The following HNF1A variants were observed in gnomAD, a reference collection of about 807,000 sequenced individuals.
HNF1A encodes hepatocyte nuclear factor 1-alpha.
In HNF1A, 21 loss-of-function variants were observed where a neutral mutation model predicts 62.2. The ratio of observed to expected loss-of-function variants is 0.34; its 90% CI spans 0.24 to 0.49. HNF1A has a LOEUF of 0.49. HNF1A is among the 20% of genes least tolerant of loss of function. The probability of loss-of-function intolerance (pLI) is 0.99; values close to 1 mark genes in which losing one functional copy is unlikely to be tolerated. For missense variants in HNF1A, 687 were observed against 832.3 expected, an observed-to-expected ratio of 0.83 and a Z score of 2.15; for synonymous variants, 374 against 366.8, an observed-to-expected ratio of 1.02 and a Z score of -0.22.
Position 120,978,564 on chromosome 12 carries a change from G to C in HNF1A, c.-205G>C, listed in dbSNP as rs985167109. The C allele has an allele frequency of 1.1e-5, 7 of 639,952 alleles. No homozygotes were observed. The Admixed American group carries it at 1.7e-4, about 15-fold the overall frequency. The allele number at this position is 639,952 out of a possible 1,614,324, so 39.6% of individuals were successfully genotyped here. A position where few individuals can be genotyped will look rare whatever the true frequency, so the allele number is the denominator to read the frequency against. On this transcript the variant is annotated 5_prime_UTR_variant, in exon 1 of 10. Transcript: ENST00000257555. ...CCCCAGCTCCAATGTAAACAGAACA[G>C]GCAGGGGCCCTGATTCACGGGCCGC...
chr12:120,988,719 T>G, intron 1 of HNF1A, 114 bp from the exon 2 acceptor site: 1 of 931,940 alleles, frequency 1.1e-6, no homozygotes, highest in Non-Finnish European at 1.7e-6. Flanking sequence ...ATAACTGCTT[T>G]CATGCACAGT....
chr12:120,986,960 G>C (rs1250889096), intron 1 of HNF1A, among the ~76,000 whole-genome samples: 2 of 152,142 alleles, frequency 1.3e-5, no homozygotes, highest in Non-Finnish European at 2.9e-5. Context: ...GACAGAGCAG[G>C]AGAGGAGGAG....
intron 9 of HNF1A, among the ~76,000 whole-genome samples, chr12:121,000,057 T>C (rs1174563459): frequency 6.6e-6 from 1 of 152,030 alleles, no homozygotes; most frequent in Non-Finnish European, 1.5e-5. Flanking sequence ...TTTGGAAAAT[T>C]GGAAAAATTC....
Position 121,001,879 on chromosome 12 carries a change from G to A in HNF1A, c.*687G>A, listed in dbSNP as rs994614443. ...CATCCCCAGCGATTCCCTCTCCCAG[G>A]CCCCATGACCTCCAGCTTTCCTGTA... On this transcript the variant is annotated 3_prime_UTR_variant, in exon 10 of 10. Coordinates refer to ENST00000257555, the MANE Select transcript of HNF1A (RefSeq NM_000545.8). The A allele has an allele frequency of 5.8e-6, 3 of 516,276 alleles. No individual in the cohort carries two copies. Among genetic ancestry groups the A allele is most frequent in the Admixed American group, 4.7e-5 (2 of 42,756 alleles). 32.0% of individuals were successfully genotyped at this position (516,276 alleles called of 1,614,324 possible). A position where few individuals can be genotyped will look rare whatever the true frequency, so the allele number is the denominator to read the frequency against.
rs373554058 is a variant in HNF1A at position 121,001,784 on chromosome 12, G to A, written c.*592G>A. 3.7e-6 allele frequency: 2 copies of A among 536,174 alleles called. No individual in the cohort carries two copies. Among genetic ancestry groups the A allele is most frequent in the African/African-American group, 1.9e-5 (1 of 53,946 alleles). 33.2% of individuals were successfully genotyped at this position (536,174 alleles called of 1,614,324 possible). A position where few individuals can be genotyped will look rare whatever the true frequency, so the allele number is the denominator to read the frequency against. Reference sequence around the variant, plus strand: ...GGGTGGCTACTCTGTGCCAGAGCCTGGGGCTCTAACGCCTGAGCCCAGGGA... The same window carrying A: ...GGGTGGCTACTCTGTGCCAGAGCCTAGGGCTCTAACGCCTGAGCCCAGGGA... On this transcript the variant is annotated 3_prime_UTR_variant, in exon 10 of 10. Transcript: ENST00000257555.
chr12:120,999,655 C>T, intron 9 of HNF1A, 28 bp downstream of exon 9: 1 of 1,598,812 alleles, frequency 6.3e-7, no homozygotes, highest in Non-Finnish European at 8.5e-7. Flanking sequence ...CACCCCCTCC[C>T]TTACTGTCCC....
chr12:120,981,365 A>C (rs1256703847), intron 1 of HNF1A, among the ~76,000 whole-genome samples: 1 of 152,032 alleles, frequency 6.6e-6, no homozygotes, highest in Non-Finnish European at 1.5e-5. Flanking sequence ...CTTTCTTCAG[A>C]TCTCCCCCTT....
Position 121,001,327 on chromosome 12 carries a change from CTGCTCTGATGCATCAGAAAGGGAG to C in HNF1A, c.*136_*159del. On this transcript the variant is annotated 3_prime_UTR_variant, in exon 10 of 10. Coordinates refer to ENST00000257555, the MANE Select transcript of HNF1A (RefSeq NM_000545.8). ...GGACAGCTGTGCCTCGCTCCCCACT[CTGCTCTGATGCATCAGAAAGGGAG>C]GGCTCTGAGGCGCCCCAACCCGTGG... The C allele has an allele frequency of 9.1e-7, 1 of 1,098,234 alleles. No homozygotes were observed. The allele number at this position is 1,098,234 out of a possible 1,614,324, so 68.0% of individuals were successfully genotyped here.
chr12:120,992,622 T>TA (rs1357160404), intron 2 of HNF1A, among the ~76,000 whole-genome samples: 1 of 151,970 alleles, frequency 6.6e-6, no homozygotes, highest in East Asian at 1.9e-4. Flanking sequence ...CCAATACAGA[T>TA]AAAAAATAGA....
intron 4 of HNF1A, 143 bp downstream of exon 4, chr12:120,994,548 C>G: frequency 2.2e-6 from 2 of 925,766 alleles, no homozygotes; most frequent in South Asian, 1.7e-5. Context: ...CTCTACTTCA[C>G]TCTGTTCATT....
rs1294496946 is a variant in HNF1A, at chr12:120,994,197, A to T, written c.747A>T (p.Ser249=). The part of the protein sequence containing the change: ...AECIQRGVSP[S]QAQGLGSNLV... Reference sequence around the variant, plus strand: ...GCATCCAGAGAGGGGTGTCCCCATCACAGGCACAGGGGCTGGGCTCCAACC... The same window carrying T: ...GCATCCAGAGAGGGGTGTCCCCATCTCAGGCACAGGGGCTGGGCTCCAACC... Residue 249 remains serine, a synonymous_variant, in exon 4 of 10, where the codon TCA becomes TCT. Transcript: ENST00000257555. The T allele has an allele frequency of 6.2e-7, 1 of 1,613,614 alleles. No individual in the cohort carries two copies. The highest frequency in any genetic ancestry group is 8.5e-7 in the Non-Finnish European group (1 of 1,179,820).
At chr12:120,998,916 G>A (rs1335635161) in intron 7 of HNF1A, among the ~76,000 whole-genome samples, 1 of 152,200 alleles carries the variant, frequency 6.6e-6, no homozygotes, top group Admixed American at 6.5e-5. Context: ...ATTTAGTACA[G>A]TAGCACCTGC....
Position 120,994,336 on chromosome 12 carries a change from G to A in HNF1A, c.886G>A (p.Gly296Arg), listed in dbSNP as rs2135842395. ...CGGGCCCCCCCCAGGGCCAGGCCCG[G>A]GACCTGCGCTGCCCGCTCACAGCTC... is the stretch of plus-strand genomic sequence containing the variant. Reference protein sequence around the residue: ...YSGPPPGPGPGPALPAHSSPG... With the variant: ...YSGPPPGPGPRPALPAHSSPG... The change falls in exon 4 of 10, where the codon GGA becomes AGA. Residue 296 changes from glycine to arginine, a missense_variant. Around this residue, in one of 5 missense-constraint regions of HNF1A, gnomAD observed 408 missense variants for 455.3 expected, o/e 0.90. Coordinates refer to ENST00000257555, the MANE Select transcript of HNF1A (RefSeq NM_000545.8). 6.2e-7 allele frequency: 1 copy of A among 1,606,332 alleles called. No homozygotes were observed. Among genetic ancestry groups the A allele is most frequent in the Non-Finnish European group, 8.5e-7 (1 of 1,176,862 alleles).
chr12:120,999,368 C>T lies in HNF1A; in HGVS notation c.1602C>T (p.Ala534=), dbSNP rs368694878. 24 of 1,613,958 alleles carry T rather than the reference C, an allele frequency of 1.5e-5. No homozygotes were observed. In the African/African-American group the frequency reaches 2.9e-4, roughly 20 times the overall value. Residue 534 remains alanine (A), a synonymous_variant, in exon 8 of 10, where the codon GCC becomes GCT. Transcript: ENST00000257555. ...ITDTTNLSAL[A]SLTPTKQVFT... ...ACACCACCAACCTGAGCGCCCTGGCCAGCCTCACGCCCACCAAGCAGGTAA... is the reference window on the plus strand; with the variant it reads ...ACACCACCAACCTGAGCGCCCTGGCTAGCCTCACGCCCACCAAGCAGGTAA...
chr12:120,995,644 A>C (rs1201186294), intron 4 of HNF1A, among the ~76,000 whole-genome samples: 1 of 151,096 alleles, frequency 6.6e-6, no homozygotes, highest in Non-Finnish European at 1.5e-5. Context: ...CACTGTGTTC[A>C]CACAACTCCA....
intron 2 of HNF1A, among the ~76,000 whole-genome samples, chr12:120,990,639 A>G (rs1227732512): frequency 1.0e-5 from 1 of 99,766 alleles, no homozygotes; most frequent in Non-Finnish European, 2.1e-5. Context: ...GAAAGATAGG[A>G]AAGGGAGGAA....
intron 3 of HNF1A, 98 bp from the exon 4 acceptor site, chr12:120,994,066 C>G: frequency 1.3e-6 from 2 of 1,523,778 alleles, no homozygotes; most frequent in Non-Finnish European, 8.9e-7. Flanking sequence ...GCCTCAAACC[C>G]TCCGGCAGAG....
At chr12:120,992,484 T>C (rs946120564) in intron 2 of HNF1A, among the ~76,000 whole-genome samples, 4 of 152,194 alleles carry the variant, frequency 2.6e-5, no homozygotes, top group African/African-American at 4.8e-5. Context: ...CCTCAGCCTC[T>C]TAAGTAGCTG....
At position 121,001,237 on chromosome 12, in the gene HNF1A, T is replaced by A. The variant is rs369513058; in HGVS notation, c.*45T>A. The A allele has an allele frequency of 2.7e-5, 43 of 1,608,036 alleles. No homozygotes were observed. In the African/African-American group the frequency reaches 5.7e-4, roughly 21 times the overall value. ...GGGCCTGTACTGCCTGCTTGGGGGGTGATGAGGGCAGCAGCCAGCCCTGCC... is the reference window on the plus strand; with the variant it reads ...GGGCCTGTACTGCCTGCTTGGGGGGAGATGAGGGCAGCAGCCAGCCCTGCC... On this transcript the variant is annotated 3_prime_UTR_variant, in exon 10 of 10. Transcript: ENST00000257555.
Sources: gnomAD v4.1 joint callset for allele counts (sites outside exome capture counted in the v4.1 genomes callset) on GRCh38, gnomAD v4.1.1 for gene constraint, gnomAD v4.1.1 regional missense constraint, MANE v1.5 for transcripts, NCBI Gene and HGNC (gene_info 2026-07-23, HGNC 2026-07-21) for gene names.